Variants in APOC3 observed in about 807,000 individuals in gnomAD.
APOC3 encodes the protein apolipoprotein C-III.
A neutral mutation model predicts 7.3 loss-of-function variants in APOC3; 6 were observed. That is an observed-to-expected ratio of 0.82 (90% CI 0.45 to 1.61). The LOEUF (loss-of-function observed/expected upper bound fraction) is 1.61, where lower values mean the gene tolerates loss of function less well. Ranked by LOEUF, APOC3 falls within the 40% of genes most tolerant of loss-of-function variation. The pLI, the probability that APOC3 is intolerant of heterozygous loss-of-function variation, is 0.01. For missense variants in APOC3, 123 were observed against 124.9 expected (o/e 0.98, Z 0.07); for synonymous variants, 45 against 51.2 (o/e 0.88, Z 0.52).
chr11:116,830,449 G>A (rs768771162), intron 1 of APOC3, 121 bp from the exon 2 acceptor site: 52 of 1,020,536 alleles, frequency 5.1e-5, no homozygotes, highest in Middle Eastern at 2.6e-4. Context: ...GCAGGGAGCC[G>A]GCCCCTACTC....
chr11:116,832,966 T>A lies in APOC3; in HGVS notation c.*82T>A, dbSNP rs1941479407. The A allele has an allele frequency of 9.4e-6, 15 of 1,601,764 alleles. No homozygotes were observed. In the South Asian group the frequency reaches 1.7e-4, roughly 18 times the overall value. ...CAATCTCCAGGGCTGCCCCTGTAGG[T>A]TGCTTAAAAGGGACAGTATTCTCAG... On this transcript the variant is annotated 3_prime_UTR_variant, in exon 4 of 4. Transcript: ENST00000227667.
In APOC3 at chr11:116,833,000, T is replaced by TACC; in HGVS notation, c.*117_*119dup. 1 of 1,434,636 alleles carries TACC rather than the reference T, an allele frequency of 7.0e-7. No individual in the cohort carries two copies. Among genetic ancestry groups the TACC allele is most frequent in the South Asian group, 1.2e-5 (1 of 85,554 alleles). The allele number at this position is 1,434,636 out of a possible 1,614,324, so 88.9% of individuals were successfully genotyped here. On this transcript the variant is annotated 3_prime_UTR_variant, in exon 4 of 4. Transcript: ENST00000227667. The stretch of plus-strand genomic sequence containing the variant: ...AGGGACAGTATTCTCAGTGCTCTCC[T>TACC]ACCCCACCTCATGCCTGGCCCCCCT...
rs2070666 is a variant in APOC3 at position 116,830,958 on chromosome 11, T to A, written c.179+62T>A. 252,594 of 1,348,786 alleles carry A rather than the reference T, an allele frequency of 0.19. 21,558 individuals are homozygous for A. The highest frequency in any genetic ancestry group is 0.33 in the East Asian group (11,652 of 35,844). The allele number at this position is 1,348,786 out of a possible 1,614,324, so 83.6% of individuals were successfully genotyped here. Reference sequence around the variant, plus strand: ...AGCTGCCTCCATTCCCACCCGCCCCTGCCCTGGTGAGATCCCAACAATGGA... The same window carrying A: ...AGCTGCCTCCATTCCCACCCGCCCCAGCCCTGGTGAGATCCCAACAATGGA... On this transcript the variant is annotated intron_variant, in intron 3 of 3. Coordinates refer to ENST00000227667, the MANE Select transcript of APOC3 (RefSeq NM_000040.3).
intron 1 of APOC3, chr11:116,830,348 G>T: frequency 1.6e-6 from 1 of 611,762 alleles, no homozygotes; most frequent in Non-Finnish European, 2.9e-6. Flanking sequence ...TTGATGTTCA[G>T]TCTGGTGGGT....
intron 1 of APOC3, 86 bp from the exon 2 acceptor site, chr11:116,830,484 C>T: frequency 7.0e-7 from 1 of 1,422,266 alleles, no homozygotes; most frequent in Non-Finnish European, 9.8e-7. Flanking sequence ...AGCTAAGGTT[C>T]TACCTTAGGG....
Position 116,832,862 on chromosome 11 carries a change from CA to C in APOC3, c.280del (p.Thr94LeufsTer?), listed in dbSNP as rs750185333. On this transcript the variant is annotated frameshift_variant, in exon 4 of 4. Coordinates refer to ENST00000227667, the MANE Select transcript of APOC3 (RefSeq NM_000040.3). LOFTEE classifies it low-confidence loss of function (END_TRUNC). Reference sequence around the variant, plus strand: ...TGGGATTTGGACCCTGAGGTCAGACCAACTTCAGCCGTGGCTGCCTGAGACC... The same window carrying C: ...TGGGATTTGGACCCTGAGGTCAGACCACTTCAGCCGTGGCTGCCTGAGACC... ...EFWDLDPEVR[P>X]TSAVAA 6.2e-7 allele frequency: 1 copy of C among 1,613,792 alleles called. No individual in the cohort carries two copies. The highest frequency in any genetic ancestry group is 1.3e-5 in the African/African-American group (1 of 74,914).
At chr11:116,832,646 T>G in intron 3 of APOC3, 118 bp from the exon 4 acceptor site, 3 of 1,449,516 alleles carry the variant, frequency 2.1e-6, no homozygotes, top group Non-Finnish European at 1.9e-6. Context: ...TCCAGTGAAG[T>G]TGAGAGGGTG....
chr11:116,832,317 A>C (rs1038783006), intron 3 of APOC3, among the ~76,000 whole-genome samples: 20 of 152,216 alleles, frequency 1.3e-4, no homozygotes, highest in Admixed American at 1.3e-3. Flanking sequence ...CAGAGCGATT[A>C]GGTGACCTGC....
intron 3 of APOC3, 34 bp downstream of exon 3, chr11:116,830,930 G>C: frequency 6.2e-7 from 1 of 1,602,606 alleles, no homozygotes. Context: ...CATCCCCCCT[G>C]CCAGCTGCCT....
Position 116,832,871 on chromosome 11 carries a change from C to T in APOC3, c.287C>T (p.Ala96Val), listed in dbSNP as rs1350914849. 6.2e-7 allele frequency: 1 copy of T among 1,613,868 alleles called. No homozygotes were observed. Among genetic ancestry groups the T allele is most frequent in the Admixed American group, 1.7e-5 (1 of 60,022 alleles). ...GACCCTGAGGTCAGACCAACTTCAG[C>T]CGTGGCTGCCTGAGACCTCAATACC... ...DLDPEVRPTS[A>V]VAA The change falls in exon 4 of 4, where the codon GCC becomes GTC. Residue 96 changes from alanine to valine, a missense_variant. Transcript: ENST00000227667.
chr11:116,831,285 T>TTTCTTTCTTTCCTTTCTTTCTTTCTTTTC (rs1941455614), intron 3 of APOC3, among the ~76,000 whole-genome samples: 3 of 66,280 alleles, frequency 4.5e-5, no homozygotes, highest in African/African-American at 8.1e-5. Flanking sequence ...CTTTCTTTCC[T>TTTCTTTCTTTCCTTTCTTTCTTTCTTTTC]TTCTTTCTTT....
intron 3 of APOC3, chr11:116,831,189 A>ATC (rs1555055843): frequency 1.3e-4 from 19 of 148,404 alleles, no homozygotes; most frequent in Non-Finnish European, 2.0e-4. Context: ...TTCTCTTTCT[A>ATC]TTTCTTTCTT....
intron 3 of APOC3, among the ~76,000 whole-genome samples, chr11:116,831,267 T>C (rs1357703076): frequency 8.2e-5 from 4 of 48,848 alleles, no homozygotes; most frequent in Non-Finnish European, 2.2e-4. Context: ...CCTTTCTTTC[T>C]TTCCTTTCTT....
chr11:116,831,340 T>TTCCCTCTCTTCCTTTCTC (rs1422239118), intron 3 of APOC3, among the ~76,000 whole-genome samples: 2 of 150,238 alleles, frequency 1.3e-5, no homozygotes, highest in Non-Finnish European at 3.0e-5. Flanking sequence ...TTTTCTTTCT[T>TTCCCTCTCTTCCTTTCTC]TCCCTCTCTT....
At chr11:116,830,297 T>G (rs1178122108) in intron 1 of APOC3, among the ~76,000 whole-genome samples, 1 of 152,182 alleles carries the variant, frequency 6.6e-6, no homozygotes, top group Non-Finnish European at 1.5e-5. Flanking sequence ...ACACAGCATG[T>G]TGGCTGGACT....
chr11:116,831,896 C>T (rs988813638), intron 3 of APOC3, among the ~76,000 whole-genome samples: 1 of 152,220 alleles, frequency 6.6e-6, no homozygotes. Flanking sequence ...TGTAAGGCCA[C>T]TTGATCTGAC....
Position 116,833,004 on chromosome 11 carries a change from C to T in APOC3, c.*120C>T. The T allele has an allele frequency of 7.2e-7, 1 of 1,388,516 alleles. No individual in the cohort carries two copies. Among genetic ancestry groups the T allele is most frequent in the South Asian group, 1.2e-5 (1 of 84,264 alleles). 86.0% of individuals were successfully genotyped at this position (1,388,516 alleles called of 1,614,324 possible). A position where few individuals can be genotyped will look rare whatever the true frequency, so the allele number is the denominator to read the frequency against. On this transcript the variant is annotated 3_prime_UTR_variant, in exon 4 of 4. Transcript: ENST00000227667. ...ACAGTATTCTCAGTGCTCTCCTACCCCACCTCATGCCTGGCCCCCCTCCAG... is the reference window on the plus strand; with the variant it reads ...ACAGTATTCTCAGTGCTCTCCTACCTCACCTCATGCCTGGCCCCCCTCCAG...
intron 3 of APOC3, 139 bp from the exon 4 acceptor site, chr11:116,832,625 C>T: frequency 7.9e-7 from 1 of 1,271,902 alleles, no homozygotes. Context: ...CCTGAGGTCT[C>T]AGGGCTGTCG....
intron 2 of APOC3, 44 bp from the exon 3 acceptor site, chr11:116,830,729 G>A (rs772057064): frequency 1.6e-5 from 26 of 1,613,100 alleles, no homozygotes; most frequent in East Asian, 6.7e-5. Flanking sequence ...CCCAGGGCTC[G>A]TCCAGAGGCC....
Sources: allele counts gnomAD v4.1 joint callset (sites outside exome capture counted in the v4.1 genomes callset), GRCh38; gene constraint gnomAD v4.1.1; transcripts MANE v1.5; gene names NCBI Gene and HGNC (gene_info 2026-07-23, HGNC 2026-07-21).